Variants in PRDM2 observed in about 807,000 individuals in gnomAD.
PRDM2 encodes the protein PR/SET domain 2, also known as PR domain zinc finger protein 2.
Under a neutral mutation model 130.0 loss-of-function variants are expected in PRDM2, and 30 were observed. The ratio of observed to expected loss-of-function variants is 0.23; its 90% CI spans 0.17 to 0.31. The LOEUF (loss-of-function observed/expected upper bound fraction) is 0.31. Among genes scored for constraint, PRDM2 ranks in the 10% least tolerant of loss-of-function variants. The probability of loss-of-function intolerance (pLI) is 1.00; values close to 1 mark genes in which losing one functional copy is unlikely to be tolerated. For missense variants in PRDM2, 2,011 were observed against 2,108.4 expected, an observed-to-expected ratio of 0.95 and a Z score of 0.90; for synonymous variants, 871 against 782.4, an observed-to-expected ratio of 1.11 and a Z score of -1.89.
At chr1:13,732,921 A>G (rs1434349565) in intron 4 of PRDM2, 39 bp downstream of exon 4, 1 of 1,316,382 alleles carries the variant, frequency 7.6e-7, no homozygotes, top group Non-Finnish European at 1.1e-6. Flanking sequence ...TCAGAGTTTT[A>G]TGAAATAATT....
At chr1:13,796,141 G>A (rs1644919556) in intron 8 of PRDM2, among the ~76,000 whole-genome samples, 1 of 152,180 alleles carries the variant, frequency 6.6e-6, no homozygotes, top group South Asian at 2.1e-4. Flanking sequence ...ATACTTTGTT[G>A]TAGAAAAGAT....
At chr1:13,795,334 T>G (rs1003420550) in intron 8 of PRDM2, among the ~76,000 whole-genome samples, 1 of 152,188 alleles carries the variant, frequency 6.6e-6, no homozygotes, top group African/African-American at 2.4e-5. Context: ...GTTCTCCCAT[T>G]TTACAAATGG....
intron 1 of PRDM2, among the ~76,000 whole-genome samples, 190 bp downstream of exon 1, chr1:13,700,490 C>T (rs1437382877): frequency 2.0e-5 from 3 of 150,012 alleles, no homozygotes; most frequent in Non-Finnish European, 4.5e-5. Flanking sequence ...GCGCGGGCCT[C>T]CGGGTCGGTG....
chr1:13,752,538 ATCT>A (rs1363037546), intron 6 of PRDM2, among the ~76,000 whole-genome samples: 1 of 152,234 alleles, frequency 6.6e-6, no homozygotes, highest in African/African-American at 2.4e-5. Context: ...AGTATTTCTC[ATCT>A]TCTTGATTTC....
intron 4 of PRDM2, 92 bp downstream of exon 4, chr1:13,732,974 C>T (rs1643156255): frequency 2.2e-6 from 2 of 890,808 alleles, no homozygotes; most frequent in Non-Finnish European, 3.4e-6. Context: ...TTAAAACAAT[C>T]ATTTTAATGT....
intron 9 of PRDM2, among the ~76,000 whole-genome samples, chr1:13,822,860 C>G (rs2100779379): frequency 6.6e-6 from 1 of 152,214 alleles, no homozygotes; most frequent in South Asian, 2.1e-4. Flanking sequence ...TGAAATCAGT[C>G]TATGCTGTTA....
intron 4 of PRDM2, among the ~76,000 whole-genome samples, chr1:13,741,728 G>GTGTGTGTA: frequency 9.8e-6 from 1 of 102,098 alleles, no homozygotes; most frequent in Non-Finnish European, 2.5e-5. Flanking sequence ...GTTTGTGTGT[G>GTGTGTGTA]TGTGTGTGTG....
At chr1:13,814,601 G>A (rs780902593) in intron 8 of PRDM2, among the ~76,000 whole-genome samples, 1 of 152,216 alleles carries the variant, frequency 6.6e-6, no homozygotes, top group Non-Finnish European at 1.5e-5. Context: ...AGGTTTGGCA[G>A]CACCCCTGGC....
At chr1:13,797,970 A>G (rs972941500) in intron 8 of PRDM2, among the ~76,000 whole-genome samples, 1 of 152,182 alleles carries the variant, frequency 6.6e-6, no homozygotes, top group Non-Finnish European at 1.5e-5. Context: ...TACTTACAGC[A>G]ACATTTCAAC....
intron 6 of PRDM2, among the ~76,000 whole-genome samples, chr1:13,755,501 G>A (rs888234592): frequency 1.3e-5 from 2 of 152,136 alleles, no homozygotes; most frequent in African/African-American, 4.8e-5. Flanking sequence ...CTATATAAAA[G>A]AGGTAACAAG....
intron 8 of PRDM2, among the ~76,000 whole-genome samples, chr1:13,802,864 A>G (rs1269139495): frequency 6.6e-6 from 1 of 152,202 alleles, no homozygotes; most frequent in Non-Finnish European, 1.5e-5. Context: ...TCAGCTCCAC[A>G]GGAGAGGAAA....
chr1:13,766,526 A>G (rs1205920441), intron 6 of PRDM2, among the ~76,000 whole-genome samples: 1 of 152,204 alleles, frequency 6.6e-6, no homozygotes, highest in Non-Finnish European at 1.5e-5. Flanking sequence ...TGAAGGACTG[A>G]TGGAGGGCAG....
At position 13,782,780 on chromosome 1, in the gene PRDM2, G is replaced by C. The variant is rs996418823; in HGVS notation, c.4985G>C (p.Ser1662Thr). Residue 1662 changes from serine to threonine, a missense_variant, in exon 8 of 10, where the codon AGT becomes ACT. By Grantham distance (58) the Ser-to-Thr change is moderately conservative (BLOSUM62 1). Coordinates refer to ENST00000311066, the MANE Select transcript of PRDM2 (RefSeq NM_001393986.1). The part of the protein sequence containing the change: ...SLQLAAAADL[S>T]ENKREDGSAK... ...CAGCTGGCAGCTGCTGCTGACTTGA[G>C]TGAGAACAAGAGAGAGGACGGCAGC... The C allele has an allele frequency of 2.5e-6, 4 of 1,611,400 alleles. No individual in the cohort carries two copies. Among genetic ancestry groups the C allele is most frequent in the Non-Finnish European group, 3.4e-6 (4 of 1,179,256 alleles).
chr1:13,785,489 A>G (rs1644715356), intron 8 of PRDM2, among the ~76,000 whole-genome samples: 1 of 152,112 alleles, frequency 6.6e-6, no homozygotes, highest in African/African-American at 2.4e-5. Flanking sequence ...CAGCCATATG[A>G]TTTTTCCATG....
rs894396099 is a variant in PRDM2, at chr1:13,816,333, A to T, written c.5037-94A>T. ...AGTGCAATCCTATCCTGGCCTGGGA[A>T]GTGGTGACCAGCACTAAGGAAGCCC... On this transcript the variant is annotated intron_variant, in intron 8 of 9. Coordinates refer to ENST00000311066, the MANE Select transcript of PRDM2 (RefSeq NM_001393986.1). The T allele has an allele frequency of 3.9e-5, 57 of 1,473,600 alleles. No individual in the cohort carries two copies. The African/African-American group carries it at 5.9e-4, about 15-fold the overall frequency. 91.3% of individuals were successfully genotyped at this position (1,473,600 alleles called of 1,614,324 possible). A position where few individuals can be genotyped will look rare whatever the true frequency, so the allele number is the denominator to read the frequency against.
intron 6 of PRDM2, among the ~76,000 whole-genome samples, chr1:13,765,437 C>G (rs1425583048): frequency 6.6e-6 from 1 of 152,154 alleles, no homozygotes; most frequent in Non-Finnish European, 1.5e-5. Context: ...TCGACCTTCA[C>G]CATCTCACAC....
chr1:13,781,429 G>C lies in PRDM2; in HGVS notation c.3634G>C (p.Asp1212His). Reference protein sequence around the residue: ...FLCNLQQHQRDLHPDKVCTHH... With the variant: ...FLCNLQQHQRHLHPDKVCTHH... ...GTGCAATTTGCAGCAGCACCAGCGAGATCTCCACCCAGATAAGGTGTGCAC... is the reference window on the plus strand; with the variant it reads ...GTGCAATTTGCAGCAGCACCAGCGACATCTCCACCCAGATAAGGTGTGCAC... Residue 1212 changes from aspartate (D) to histidine (H), a missense_variant, in exon 8 of 10, where the codon GAT becomes CAT. Asp to His is a moderately conservative substitution (Grantham distance 81). This residue lies in a region of PRDM2 where 229 missense variants were observed against 364.1 expected (regional missense o/e 0.63). Coordinates refer to ENST00000311066, the MANE Select transcript of PRDM2 (RefSeq NM_001393986.1). This position sits in a 1 kb window ranked among gnomAD's most constrained non-coding sequence, Gnocchi z 6.1. 1 of 1,614,070 alleles carries C rather than the reference G, an allele frequency of 6.2e-7. No individual in the cohort carries two copies. The highest frequency in any genetic ancestry group is 8.5e-7 in the Non-Finnish European group (1 of 1,180,048).
chr1:13,809,745 C>A (rs927703535), intron 8 of PRDM2, among the ~76,000 whole-genome samples: 1 of 152,094 alleles, frequency 6.6e-6, no homozygotes, highest in African/African-American at 2.4e-5. Flanking sequence ...TGGTCCAGAC[C>A]CCGTGTTCAG....
rs1216498460 is a variant in PRDM2 at position 13,778,917 on chromosome 1, G to C, written c.1122G>C (p.Gly374=). The C allele has an allele frequency of 6.2e-7, 1 of 1,614,204 alleles. No homozygotes were observed. Among genetic ancestry groups the C allele is most frequent in the South Asian group, 1.1e-5 (1 of 91,080 alleles). ...AAAGGAAGTTTACAACCAAACAGGG[G>C]CTTGAGCGTCACATGCATATCCATA... The part of the protein sequence containing the change: ...HCERKFTTKQ[G]LERHMHIHIS... The change falls in exon 8 of 10, where the codon GGG becomes GGC. Residue 374 remains glycine, a synonymous_variant. Transcript: ENST00000311066.
Sources: allele counts gnomAD v4.1 joint callset (sites outside exome capture counted in the v4.1 genomes callset), GRCh38; gene constraint gnomAD v4.1.1; regional missense constraint gnomAD v4.1.1; non-coding constraint Gnocchi (gnomAD v3.1); transcripts MANE v1.5; gene names NCBI Gene and HGNC (gene_info 2026-07-23, HGNC 2026-07-21).